The following MICAL2 variants were observed in gnomAD, a reference collection of about 807,000 sequenced individuals.
MICAL2 encodes the protein microtubule associated monooxygenase, calponin and LIM domain containing 2.
Under a neutral mutation model 127.3 loss-of-function variants are expected in MICAL2, and 77 were observed. The observed-to-expected ratio is 0.60, with a 90% CI of 0.50 to 0.73. The LOEUF (loss-of-function observed/expected upper bound fraction) is 0.73. Ranked by LOEUF, MICAL2 falls within the 30% of genes least tolerant of loss-of-function variation. The pLI is 0.00. For missense variants in MICAL2, 1,351 were observed against 1,434.4 expected, an observed-to-expected ratio of 0.94 and a Z score of 0.94; for synonymous variants, 570 against 551.1, an observed-to-expected ratio of 1.03 and a Z score of -0.48.
At chr11:12,161,915 A>G in intron 2 of MICAL2, 164 bp from the exon 3 acceptor site, 1 of 566,090 alleles carries the variant, frequency 1.8e-6, no homozygotes, top group Non-Finnish European at 3.1e-6. Context: ...GCCAAAAGGC[A>G]CAATTCTGTA....
chr11:12,120,625 T>C (rs959982142), intron 1 of MICAL2, among the ~76,000 whole-genome samples: 3 of 151,812 alleles, frequency 2.0e-5, no homozygotes, highest in African/African-American at 2.4e-5. Context: ...TATTGGAAGA[T>C]AGGTATGATT....
chr11:12,174,767 C>T (rs1255808085), intron 3 of MICAL2, among the ~76,000 whole-genome samples: 1 of 152,066 alleles, frequency 6.6e-6, no homozygotes, highest in African/African-American at 2.4e-5. Context: ...TTTCCATTTA[C>T]CCTTATATTT....
intron 15 of MICAL2, among the ~76,000 whole-genome samples, chr11:12,232,143 A>G (rs559441083): frequency 3.2e-4 from 48 of 152,362 alleles, no homozygotes; most frequent in African/African-American, 1.1e-3. Context: ...CTTTTCCTTT[A>G]GAAATGATGA....
chr11:12,352,199 A>T (rs1055738873), intron 33 of MICAL2, among the ~76,000 whole-genome samples: 3 of 152,248 alleles, frequency 2.0e-5, no homozygotes, highest in Non-Finnish European at 2.9e-5. Flanking sequence ...GTCTGCATTG[A>T]GGCCAGGTAT....
intron 1 of MICAL2, among the ~76,000 whole-genome samples, chr11:12,138,080 C>G (rs186099641): frequency 1.3e-5 from 2 of 152,194 alleles, no homozygotes; most frequent in Non-Finnish European, 2.9e-5. Flanking sequence ...ACTAAAGCAG[C>G]GAATAAAGCA....
intron 1 of MICAL2, among the ~76,000 whole-genome samples, chr11:12,114,512 C>G (rs1358842404): frequency 6.6e-6 from 1 of 152,312 alleles, no homozygotes; most frequent in East Asian, 1.9e-4. Context: ...CCATTACCCT[C>G]TGTGTTAACT....
intron 24 of MICAL2, 187 bp downstream of exon 24, chr11:12,257,158 C>A: frequency 3.1e-6 from 2 of 637,048 alleles, no homozygotes; most frequent in Non-Finnish European, 5.2e-6. Context: ...CCTGTGGTCC[C>A]AGGGAAGGGG....
At chr11:12,117,270 G>A (rs1195462564) in intron 1 of MICAL2, among the ~76,000 whole-genome samples, 1 of 152,226 alleles carries the variant, frequency 6.6e-6, no homozygotes, top group Non-Finnish European at 1.5e-5. Context: ...GTTGGACGGT[G>A]GTCCCTGGCC....
chr11:12,335,746 C>T (rs1337929340), intron 32 of MICAL2, among the ~76,000 whole-genome samples: 1 of 152,158 alleles, frequency 6.6e-6, no homozygotes, highest in Non-Finnish European at 1.5e-5. Flanking sequence ...TCAAGTTTGT[C>T]AAAGATCAGA....
intron 15 of MICAL2, among the ~76,000 whole-genome samples, chr11:12,232,127 A>G (rs1284669443): frequency 1.3e-5 from 2 of 152,256 alleles, no homozygotes; most frequent in Non-Finnish European, 2.9e-5. Flanking sequence ...TTAGTAAATG[A>G]TAGTTCTTTT....
At chr11:12,330,298 C>T (rs1390642457) in intron 32 of MICAL2, among the ~76,000 whole-genome samples, 1 of 152,140 alleles carries the variant, frequency 6.6e-6, no homozygotes, top group East Asian at 1.9e-4. Flanking sequence ...TGTATTTGAG[C>T]TGGCCTGTGC....
At chr11:12,190,112 G>A (rs1004995398) in intron 3 of MICAL2, among the ~76,000 whole-genome samples, 3 of 152,174 alleles carry the variant, frequency 2.0e-5, no homozygotes, top group Non-Finnish European at 4.4e-5. Flanking sequence ...AACTTCTTTT[G>A]TGGCAGCTGC....
chr11:12,158,978 A>G (rs1419593434), intron 2 of MICAL2, among the ~76,000 whole-genome samples: 1 of 152,226 alleles, frequency 6.6e-6, no homozygotes, highest in Non-Finnish European at 1.5e-5. Context: ...TTGGAAAGCC[A>G]GTTGTAAAGG....
At position 12,116,364 on chromosome 11, in the gene MICAL2, T is replaced by G. The variant is rs974319912; in HGVS notation, c.-149+5638T>G. On this transcript the variant is annotated intron_variant, in intron 1 of 27. Coordinates refer to ENST00000683283, the MANE Select transcript of MICAL2 (RefSeq NM_001282663.2). ...CTCTTGATTTTGATTTTTTTTTTTT[T>G]TTTTTTTTTTTTTAACTGAGGAAGG... Among the ~76,000 whole-genome samples, 96 of 149,868 alleles carry G rather than the reference T, an allele frequency of 6.4e-4. 1 individual carries two copies. In the East Asian group the frequency reaches 0.017, roughly 27 times the overall value.
intron 34 of MICAL2, among the ~76,000 whole-genome samples, chr11:12,358,120 A>C (rs11022323): frequency 0.16 from 24,267 of 152,094 alleles, 5,384 homozygotes; most frequent in African/African-American, 0.5. Flanking sequence ...TTCACCGCAC[A>C]CACCTTTCTC....
chr11:12,258,615 G>A (rs1040142262), intron 25 of MICAL2, 59 bp downstream of exon 25: 1 of 1,510,034 alleles, frequency 6.6e-7, no homozygotes, highest in African/African-American at 1.4e-5. Flanking sequence ...AGGGTTTCCA[G>A]TGATCCTCAA....
At chr11:12,319,213 A>T (rs553859307) in intron 29 of MICAL2, among the ~76,000 whole-genome samples, 2 of 152,128 alleles carry the variant, frequency 1.3e-5, no homozygotes, top group Non-Finnish European at 2.9e-5. Flanking sequence ...ATGTAGTAAA[A>T]ATGGGTGCCA....
intron 29 of MICAL2, among the ~76,000 whole-genome samples, chr11:12,307,808 C>G (rs1287960342): frequency 6.6e-6 from 1 of 151,840 alleles, no homozygotes; most frequent in Non-Finnish European, 1.5e-5. Context: ...CTAATCTGCT[C>G]CATTGATCTA....
At chr11:12,344,208 A>G (rs926764447) in intron 32 of MICAL2, among the ~76,000 whole-genome samples, 1 of 152,262 alleles carries the variant, frequency 6.6e-6, no homozygotes, top group South Asian at 2.1e-4. Context: ...AGGCAGGAGA[A>G]TCTCTTGAAC....
Sources: gnomAD v4.1 joint callset for allele counts (sites outside exome capture counted in the v4.1 genomes callset) on GRCh38, gnomAD v4.1.1 for gene constraint, MANE v1.5 for transcripts, NCBI Gene and HGNC (gene_info 2026-07-23, HGNC 2026-07-21) for gene names.